Variants in RNGTT observed in about 807,000 individuals in gnomAD.
The protein encoded by RNGTT is mRNA-capping enzyme.
In RNGTT, 33 loss-of-function variants were observed where a neutral mutation model predicts 79.3. That is an observed-to-expected ratio of 0.42 (90% CI 0.32 to 0.56). RNGTT has a LOEUF of 0.56. RNGTT is among the 20% of genes least tolerant of loss of function. The pLI is 0.17. For synonymous variants in RNGTT, 222 were observed against 235.9 expected (o/e 0.94, Z 0.54); for missense variants, 497 against 739.1 (o/e 0.67, Z 3.80).
chr6:88,632,544 G>GAC (rs55920605), intron 14 of RNGTT, among the ~76,000 whole-genome samples: 3,934 of 132,884 alleles, frequency 0.03, 59 homozygotes, highest in South Asian at 0.05. Flanking sequence ...CAGACACACA[G>GAC]ACACACACAC....
chr6:88,859,940 T>C (rs183466156), intron 8 of RNGTT, among the ~76,000 whole-genome samples: 24 of 152,274 alleles, frequency 1.6e-4, no homozygotes, highest in Non-Finnish European at 2.9e-4. Flanking sequence ...GGACTCGAAC[T>C]GAGAGATGGG....
intron 14 of RNGTT, among the ~76,000 whole-genome samples, chr6:88,638,715 A>T (rs1238360664): frequency 6.6e-6 from 1 of 152,140 alleles, no homozygotes; most frequent in African/African-American, 2.4e-5. Flanking sequence ...TCAGAGCTAG[A>T]ATATTATTGG....
intron 12 of RNGTT, among the ~76,000 whole-genome samples, chr6:88,770,210 A>G (rs1004815634): frequency 5.9e-5 from 9 of 152,168 alleles, no homozygotes; most frequent in African/African-American, 2.2e-4. Flanking sequence ...TATAATGAAT[A>G]AAATTAACCA....
At chr6:88,705,187 A>G (rs958094756) in intron 13 of RNGTT, among the ~76,000 whole-genome samples, 12 of 152,192 alleles carry the variant, frequency 7.9e-5, no homozygotes, top group Non-Finnish European at 1.3e-4. Context: ...TGTCATCATA[A>G]GACATTTTAT....
At chr6:88,806,251 A>G (rs564835946) in intron 11 of RNGTT, among the ~76,000 whole-genome samples, 1 of 152,180 alleles carries the variant, frequency 6.6e-6, no homozygotes, top group Non-Finnish European at 1.5e-5. Flanking sequence ...GAATTATCAA[A>G]GACTTTAAAA....
At chr6:88,758,203 T>A (rs1464995835) in intron 13 of RNGTT, among the ~76,000 whole-genome samples, 2 of 152,224 alleles carry the variant, frequency 1.3e-5, no homozygotes, top group Non-Finnish European at 2.9e-5. Context: ...GATTAACGTT[T>A]GGCAAAAGTG....
At chr6:88,826,313 T>C (rs529927983) in intron 11 of RNGTT, among the ~76,000 whole-genome samples, 6 of 152,356 alleles carry the variant, frequency 3.9e-5, no homozygotes, top group African/African-American at 1.4e-4. Context: ...ATTTACAGTT[T>C]GTTTTCATGC....
intron 14 of RNGTT, among the ~76,000 whole-genome samples, chr6:88,649,512 A>G (rs1773713537): frequency 6.6e-6 from 1 of 152,206 alleles, no homozygotes; most frequent in South Asian, 2.1e-4. Flanking sequence ...CCTGGCTAAC[A>G]CGGTGAAACC....
chr6:88,691,365 C>CTCTTT (rs10640272), intron 13 of RNGTT, among the ~76,000 whole-genome samples: 40,248 of 151,818 alleles, frequency 0.27, 9,328 homozygotes, highest in African/African-American at 0.63. Context: ...TCAATTACAC[C>CTCTTT]TCTTTATAAA....
chr6:88,898,422 T>C (rs1783325551), intron 6 of RNGTT, among the ~76,000 whole-genome samples: 1 of 152,162 alleles, frequency 6.6e-6, no homozygotes, highest in Admixed American at 6.5e-5. Context: ...TTCATTCTGC[T>C]ACTCATCCCA....
intron 15 of RNGTT, among the ~76,000 whole-genome samples, chr6:88,613,550 T>C (rs76864177): frequency 0.022 from 3,374 of 152,324 alleles, 123 homozygotes; most frequent in African/African-American, 0.075. Context: ...ATTGGCAATT[T>C]CAATATTTTC....
rs555042066 is a variant in RNGTT at position 88,737,193 on chromosome 6, CTT to C, written c.1439+32579_1439+32580del. ...TCTCCTTCTTAGACGAGATTAGGCA[CTT>C]CAGGGTGGTATGGCCATAGACTGAT... is the stretch of plus-strand genomic sequence containing the variant. On this transcript the variant is annotated intron_variant, in intron 13 of 15. Coordinates refer to ENST00000369485, the MANE Select transcript of RNGTT (RefSeq NM_003800.5). 9.7e-4 allele frequency among the ~76,000 whole-genome samples: 148 copies of C among 152,290 alleles called. 1 individual carries two copies. Among genetic ancestry groups the C allele is most frequent in the African/African-American group, 3.5e-3 (144 of 41,554 alleles).
intron 13 of RNGTT, among the ~76,000 whole-genome samples, chr6:88,698,334 G>T (rs188205912): frequency 3.3e-4 from 45 of 138,254 alleles, no homozygotes; most frequent in Middle Eastern, 5.0e-3. Context: ...ATGAATTTTG[G>T]TAGGTATTGA....
At chr6:88,711,192 A>G (rs1776305474) in intron 13 of RNGTT, among the ~76,000 whole-genome samples, 1 of 152,200 alleles carries the variant, frequency 6.6e-6, no homozygotes, top group Admixed American at 6.5e-5. Context: ...TTTGCTTTTC[A>G]ATAATGATCT....
At chr6:88,715,028 C>T (rs1441256780) in intron 13 of RNGTT, among the ~76,000 whole-genome samples, 1 of 152,096 alleles carries the variant, frequency 6.6e-6, no homozygotes, top group Non-Finnish European at 1.5e-5. Flanking sequence ...TCAAATTGTC[C>T]CTGTTTGCAG....
At chr6:88,879,765 C>G (rs1181125077) in intron 8 of RNGTT, among the ~76,000 whole-genome samples, 1 of 152,110 alleles carries the variant, frequency 6.6e-6, no homozygotes, top group Non-Finnish European at 1.5e-5. Flanking sequence ...CTACCTTAAG[C>G]TCACTTTTTA....
chr6:88,794,785 C>A (rs536766584), intron 12 of RNGTT, among the ~76,000 whole-genome samples: 29 of 152,176 alleles, frequency 1.9e-4, no homozygotes, highest in African/African-American at 6.7e-4. Context: ...AGCAATTTGG[C>A]AATTAGTAAC....
chr6:88,861,898 C>A (rs1158353375), intron 8 of RNGTT, among the ~76,000 whole-genome samples: 1 of 152,066 alleles, frequency 6.6e-6, no homozygotes, highest in Non-Finnish European at 1.5e-5. Flanking sequence ...TACATTTTGT[C>A]ATTTTTCATA....
chr6:88,875,282 A>C (rs1210644051), intron 8 of RNGTT, among the ~76,000 whole-genome samples: 1 of 152,112 alleles, frequency 6.6e-6, no homozygotes, highest in Non-Finnish European at 1.5e-5. Flanking sequence ...AAGGAAAGAA[A>C]ACAGCAGGTA....
Sources: gnomAD v4.1 joint callset for allele counts (sites outside exome capture counted in the v4.1 genomes callset) on GRCh38, gnomAD v4.1.1 for gene constraint, MANE v1.5 for transcripts, NCBI Gene and HGNC (gene_info 2026-07-23, HGNC 2026-07-21) for gene names.